CDH23: variants seen among roughly 807,000 people sequenced by gnomAD.
The protein encoded by CDH23 is cadherin related 23, also known as cadherin-23.
In CDH23, 189 loss-of-function variants were observed where a neutral mutation model predicts 317.1. That is an observed-to-expected ratio of 0.60 (90% confidence interval 0.53 to 0.67). The LOEUF (loss-of-function observed/expected upper bound fraction) is 0.67. Among genes scored for constraint, CDH23 ranks in the 30% least tolerant of loss-of-function variants. The pLI, the probability that CDH23 is intolerant of heterozygous loss-of-function variation, is 0.00. For missense variants in CDH23, 4,401 were observed against 4,592.4 expected (o/e 0.96, Z 1.20); for synonymous variants, 1,839 against 1,876.8 (o/e 0.98, Z 0.52).
chr10:71,539,495 T>TGTTAGAC (rs2132283306), intron 6 of CDH23, among the ~76,000 whole-genome samples: 1 of 152,166 alleles, frequency 6.6e-6, no homozygotes, highest in African/African-American at 2.4e-5. Context: ...TGGCTTTGTT[T>TGTTAGAC]GTTAGACGCA....
chr10:71,680,640 C>T (rs914984645), intron 17 of CDH23, among the ~76,000 whole-genome samples: 9 of 148,936 alleles, frequency 6.0e-5, no homozygotes, highest in Admixed American at 2.0e-4. Flanking sequence ...CCCAGATACT[C>T]GGAAGGCTGA....
intron 8 of CDH23, among the ~76,000 whole-genome samples, chr10:71,575,983 C>G (rs1030486769): frequency 6.6e-6 from 1 of 152,222 alleles, no homozygotes; most frequent in Non-Finnish European, 1.5e-5. Context: ...GAGCTTGCTT[C>G]GTAGAAGCTC....
At chr10:71,769,538 G>T (rs10823841) in intron 38 of CDH23, among the ~76,000 whole-genome samples, 31,092 of 152,220 alleles carry the variant, frequency 0.2, 3,634 homozygotes, top group Non-Finnish European at 0.26. Flanking sequence ...GATCACAAAG[G>T]TGATAAGCAA....
intron 1 of CDH23, among the ~76,000 whole-genome samples, chr10:71,439,298 T>TA (rs57011906): frequency 0.016 from 2,388 of 151,212 alleles, 54 homozygotes; most frequent in African/African-American, 0.041. Flanking sequence ...ATATAAAAAA[T>TA]AAAAAAAAAC....
At chr10:71,517,841 G>T (rs1237644002) in intron 6 of CDH23, among the ~76,000 whole-genome samples, 3 of 152,212 alleles carry the variant, frequency 2.0e-5, no homozygotes, top group Non-Finnish European at 4.4e-5. Context: ...AGCCCCAGAC[G>T]ATGTCTCTAT....
At chr10:71,686,161 G>A (rs1489356851) in intron 18 of CDH23, among the ~76,000 whole-genome samples, 1 of 152,012 alleles carries the variant, frequency 6.6e-6, no homozygotes, top group African/African-American at 2.4e-5. Flanking sequence ...AACTAATAGC[G>A]AATGCAGCGC....
intron 3 of CDH23, among the ~76,000 whole-genome samples, chr10:71,495,810 GAA>G (rs79249505): frequency 0.034 from 4,384 of 128,366 alleles, 244 homozygotes; most frequent in African/African-American, 0.12. Context: ...AGAGGTTTTG[GAA>G]AAAAAAAAAA....
At chr10:71,503,354 T>C (rs1853445287) in intron 3 of CDH23, among the ~76,000 whole-genome samples, 1 of 152,208 alleles carries the variant, frequency 6.6e-6, no homozygotes, top group Admixed American at 6.5e-5. Flanking sequence ...TGTTATTAGG[T>C]TTTGATCAGC....
intron 9 of CDH23, among the ~76,000 whole-genome samples, chr10:71,586,185 G>A (rs1859048447): frequency 6.6e-6 from 1 of 152,190 alleles, no homozygotes; most frequent in Non-Finnish European, 1.5e-5. Context: ...AGCTCTGTGG[G>A]GTTGGGGGGT....
chr10:71,674,694 G>T (rs1189064906), intron 14 of CDH23, among the ~76,000 whole-genome samples: 1 of 152,188 alleles, frequency 6.6e-6, no homozygotes, highest in African/African-American at 2.4e-5. Context: ...CATAATCCTT[G>T]CATGGATTAT....
At chr10:71,571,847 C>T (rs141176486) in intron 8 of CDH23, among the ~76,000 whole-genome samples, 123 of 152,338 alleles carry the variant, frequency 8.1e-4, no homozygotes, top group African/African-American at 2.7e-3. Context: ...GCCTAAGGCT[C>T]GTGAGCGTTC....
At chr10:71,563,015 A>G (rs1857209433) in intron 6 of CDH23, among the ~76,000 whole-genome samples, 1 of 152,014 alleles carries the variant, frequency 6.6e-6, no homozygotes, top group Non-Finnish European at 1.5e-5. Flanking sequence ...GAGTGCCTAG[A>G]CCCATCACCT....
At chr10:71,669,556 T>A (rs1045606264) in intron 14 of CDH23, among the ~76,000 whole-genome samples, 1 of 151,938 alleles carries the variant, frequency 6.6e-6, no homozygotes, top group African/African-American at 2.4e-5. Context: ...CAAGCGATTC[T>A]CCAGCCTCAG....
intron 9 of CDH23, 142 bp downstream of exon 9, chr10:71,578,134 T>C: frequency 1.3e-6 from 1 of 795,992 alleles, no homozygotes; most frequent in Non-Finnish European, 2.1e-6. Context: ...ACAGGGACAG[T>C]CCTCGCCAAA....
intron 30 of CDH23, among the ~76,000 whole-genome samples, chr10:71,729,146 C>T (rs779542857): frequency 3.3e-5 from 5 of 152,164 alleles, no homozygotes; most frequent in Non-Finnish European, 7.3e-5. Flanking sequence ...CCATAAACAC[C>T]TTTTAAACTG....
Position 71,617,227 on chromosome 10 carries a change from G to A in CDH23, c.968G>A (p.Arg323His), listed in dbSNP as rs181449189. 2.5e-5 allele frequency: 40 copies of A among 1,613,738 alleles called. No individual in the cohort carries two copies. Among genetic ancestry groups the A allele is most frequent in the Middle Eastern group, 1.7e-4 (1 of 6,060 alleles). The change falls in exon 11 of 70, where the codon CGC becomes CAC. Residue 323 changes from arginine to histidine, a missense_variant. Physicochemically the swap from Arg to His is conservative, Grantham distance 29 (BLOSUM62 0). Around this residue, in one of 3 missense-constraint regions of CDH23, gnomAD observed 3,068 missense variants for 3,203.3 expected, o/e 0.96. Coordinates refer to ENST00000224721, the MANE Select transcript of CDH23 (RefSeq NM_022124.6). Reference protein sequence around the residue: ...TVKGTELNDDRTPSDATVTTT... With the variant: ...TVKGTELNDDHTPSDATVTTT... ...TAGGGCACGGAGCTGAACGATGACC[G>A]CACCCCATCTGACGCTACAGTCACC...
In CDH23 at chr10:71,810,096, G is replaced by A. The variant is rs143140830; in HGVS notation, c.8979+20G>A. 1.2e-4 allele frequency: 200 copies of A among 1,608,280 alleles called. 2 individuals carry two copies. In the African/African-American group the frequency reaches 1.4e-3, roughly 11 times the overall value. On this transcript the variant is annotated intron_variant, in intron 61 of 69. Coordinates refer to ENST00000224721, the MANE Select transcript of CDH23 (RefSeq NM_022124.6). Reference sequence around the variant, plus strand: ...GTGCAGGTGCCTCATGGGCCCACCCGGGGCCGGGGCAGTGGAGGGAGAAGG... The same window carrying A: ...GTGCAGGTGCCTCATGGGCCCACCCAGGGCCGGGGCAGTGGAGGGAGAAGG...
chr10:71,644,085 G>A (rs956137262), intron 12 of CDH23, among the ~76,000 whole-genome samples: 6 of 152,244 alleles, frequency 3.9e-5, no homozygotes, highest in Non-Finnish European at 8.8e-5. Context: ...GTGCCCCTTC[G>A]GGCATTTAAT....
At chr10:71,557,654 T>TTTGGCTGTGTATAGAATTCTGGAATG (rs1231993176) in intron 6 of CDH23, among the ~76,000 whole-genome samples, 1 of 152,262 alleles carries the variant, frequency 6.6e-6, no homozygotes, top group African/African-American at 2.4e-5. Context: ...TTGTTGATAG[T>TTTGGCTGTGTATAGAATTCTGGAATG]TTGGCTGTGT....
Sources: gnomAD v4.1 joint callset for allele counts (sites outside exome capture counted in the v4.1 genomes callset) on GRCh38, gnomAD v4.1.1 for gene constraint, gnomAD v4.1.1 regional missense constraint, MANE v1.5 for transcripts, NCBI Gene and HGNC (gene_info 2026-07-23, HGNC 2026-07-21) for gene names.